Variants in DMD observed in about 807,000 individuals in gnomAD.
DMD encodes the protein dystrophin.
Under a neutral mutation model 330.1 loss-of-function variants are expected in DMD, and 63 were observed. The observed-to-expected ratio is 0.19, with a 90% CI of 0.16 to 0.24. DMD has a LOEUF of 0.24. DMD is among the 10% of genes least tolerant of loss of function. The probability of loss-of-function intolerance (pLI) is 1.00; values close to 1 mark genes in which losing one functional copy is unlikely to be tolerated. For synonymous variants in DMD, 1,223 were observed against 959.8 expected, an observed-to-expected ratio of 1.27 and a Z score of -5.07; for missense variants, 3,344 against 2,684.1, an observed-to-expected ratio of 1.25 and a Z score of -5.43.
rs148887872 is a variant in DMD, at chrX:33,101,109, C to T, written c.32-80909G>A. Among the ~76,000 whole-genome samples the T allele has an allele frequency of 3.7e-3, 411 of 111,974 alleles. 3 individuals carry two copies. Among genetic ancestry groups the T allele is most frequent in the African/African-American group, 0.013 (397 of 30,878 alleles). ...AAAGATACTTTGTTGGCAATCGCAG[C>T]GTTTATTTGTTTATTTGGTTTTACA... On this transcript the variant is annotated intron_variant, in intron 1 of 78. Coordinates refer to ENST00000357033, the MANE Select transcript of DMD (RefSeq NM_004006.3).
chrX:32,126,427 G>T (rs1440026708), intron 44 of DMD, among the ~76,000 whole-genome samples: 2 of 111,901 alleles, frequency 1.8e-5, no homozygotes, highest in African/African-American at 6.5e-5. Flanking sequence ...TACATCTTTA[G>T]AACAGTCTCA....
chrX:31,632,919 C>T (rs1028103807), intron 54 of DMD, among the ~76,000 whole-genome samples: 3 of 111,909 alleles, frequency 2.7e-5, no homozygotes, highest in Non-Finnish European at 5.7e-5. Context: ...CTATTAGTAA[C>T]GTGCACTAAT....
intron 64 of DMD, among the ~76,000 whole-genome samples, chrX:31,221,177 G>A (rs181445875): frequency 2.1e-3 from 233 of 110,424 alleles, no homozygotes; most frequent in African/African-American, 7.3e-3. Flanking sequence ...CTCCCACATC[G>A]CACCAATCCA....
intron 7 of DMD, among the ~76,000 whole-genome samples, chrX:32,777,277 T>TTGGGGG (rs2074252148): frequency 4.7e-4 from 1 of 2,113 alleles, no homozygotes; most frequent in Non-Finnish European, 7.0e-4. Context: ...GGTTTCTGGT[T>TTGGGGG]GGGGGGGGAA....
At chrX:32,117,959 T>C (rs1489297847) in intron 44 of DMD, among the ~76,000 whole-genome samples, 1 of 110,970 alleles carries the variant, frequency 9.0e-6, no homozygotes, top group Admixed American at 9.6e-5. Context: ...GAGAAGACTA[T>C]AAAGGCATTG....
In DMD at chrX:32,576,131, A is replaced by G. The variant is rs986556500; in HGVS notation, c.1603-2285T>C. ...TTGTTCACTGTATGAGTCACAAAAA[A>G]CTAATAGAGTAGTTCTCCTTTATCC... is the stretch of plus-strand genomic sequence containing the variant. On this transcript the variant is annotated intron_variant, in intron 13 of 78. Transcript: ENST00000357033. Among the ~76,000 whole-genome samples the G allele has an allele frequency of 2.7e-5, 3 of 111,942 alleles. No individual in the cohort carries two copies. The Admixed American group carries it at 2.9e-4, about 11-fold the overall frequency.
chrX:31,136,272 T>TCTCTCTTCCTCC (rs1227074772), intron 76 of DMD, among the ~76,000 whole-genome samples: 2 of 110,565 alleles, frequency 1.8e-5, no homozygotes, highest in Non-Finnish European at 3.8e-5. Context: ...CCTCTTTCTC[T>TCTCTCTTCCTCC]CTCTCTTCCT....
intron 44 of DMD, among the ~76,000 whole-genome samples, chrX:31,987,876 G>T (rs1418332427): frequency 8.9e-6 from 1 of 112,018 alleles, no homozygotes; most frequent in African/African-American, 3.2e-5. Context: ...ATGTCATAGA[G>T]ATATCTGCAT....
chrX:32,388,341 C>CTTTTT (rs3044988), intron 32 of DMD, among the ~76,000 whole-genome samples: 6,360 of 78,402 alleles, frequency 0.081, 364 homozygotes, highest in Non-Finnish European at 0.11. Flanking sequence ...TTATGCTTTC[C>CTTTTT]TTTTTTTTTT....
intron 1 of DMD, among the ~76,000 whole-genome samples, chrX:33,269,797 T>G (rs1256547214): frequency 9.0e-6 from 1 of 111,006 alleles, no homozygotes; most frequent in African/African-American, 3.3e-5. Flanking sequence ...TCTCTGTAAT[T>G]AGCCATACTT....
intron 29 of DMD, among the ~76,000 whole-genome samples, chrX:32,427,035 T>A (rs762499937): frequency 2.2e-4 from 25 of 111,444 alleles, no homozygotes; most frequent in African/African-American, 8.1e-4. Context: ...TGAAATAATC[T>A]GTACACCAAC....
chrX:32,277,804 C>T (rs2097396402), intron 43 of DMD, among the ~76,000 whole-genome samples: 1 of 110,474 alleles, frequency 9.1e-6, no homozygotes, highest in Non-Finnish European at 1.9e-5. Flanking sequence ...CTATGGGATA[C>T]AGCAAAACTA....
chrX:31,228,759 G>A (rs948221199), intron 63 of DMD, among the ~76,000 whole-genome samples: 6 of 112,102 alleles, frequency 5.4e-5, no homozygotes, highest in African/African-American at 1.9e-4. Context: ...GAACTCAAGA[G>A]GAGTGAGACT....
chrX:32,982,407 A>T (rs960398447), intron 2 of DMD, among the ~76,000 whole-genome samples: 4 of 111,839 alleles, frequency 3.6e-5, no homozygotes, highest in Non-Finnish European at 7.5e-5. Context: ...ATGGATTTTT[A>T]AAAAATATGT....
chrX:33,114,596 C>A (rs16990912), intron 1 of DMD, among the ~76,000 whole-genome samples: 2 of 111,102 alleles, frequency 1.8e-5, no homozygotes, highest in South Asian at 7.5e-4. Flanking sequence ...AATCAAACAA[C>A]AAGAGCGTAA....
intron 1 of DMD, among the ~76,000 whole-genome samples, chrX:33,230,635 C>T (rs1052126837): frequency 9.0e-6 from 1 of 110,595 alleles, no homozygotes; most frequent in African/African-American, 3.3e-5. Context: ...TATTGACAGG[C>T]CTTTTTGTCT....
chrX:32,945,808 GA>G (rs2090766408), intron 2 of DMD, among the ~76,000 whole-genome samples: 1 of 111,301 alleles, frequency 9.0e-6, no homozygotes, highest in African/African-American at 3.3e-5. Flanking sequence ...TACCTACAAT[GA>G]AGGATGTAAA....
intron 7 of DMD, among the ~76,000 whole-genome samples, chrX:32,736,841 C>T (rs1165528102): frequency 9.2e-6 from 1 of 109,182 alleles, no homozygotes; most frequent in African/African-American, 3.4e-5. Flanking sequence ...GGGTGCAGCG[C>T]ACCAGCATGG....
chrX:31,947,400 C>G (rs946727188), intron 45 of DMD, among the ~76,000 whole-genome samples: 15 of 112,380 alleles, frequency 1.3e-4, no homozygotes, highest in African/African-American at 4.9e-4. Context: ...ACTGAGATGA[C>G]AGGCATGAGC....
Sources: gnomAD v4.1 joint callset for allele counts (sites outside exome capture counted in the v4.1 genomes callset) on GRCh38, gnomAD v4.1.1 for gene constraint, MANE v1.5 for transcripts, NCBI Gene and HGNC (gene_info 2026-07-23, HGNC 2026-07-21) for gene names.